Variants in USP35 observed in about 807,000 individuals in gnomAD.
USP35 encodes ubiquitin carboxyl-terminal hydrolase 35.
A neutral mutation model predicts 83.8 loss-of-function variants in USP35; 69 were observed. The observed-to-expected ratio is 0.82, with a 90% CI of 0.68 to 1.01. The LOEUF (loss-of-function observed/expected upper bound fraction) is 1.01. Among genes scored for constraint, USP35 ranks in the 50% least tolerant of loss-of-function variants. The probability of loss-of-function intolerance (pLI) is 0.00; values close to 1 mark genes in which losing one functional copy is unlikely to be tolerated. For missense variants in USP35, 1,503 were observed against 1,362.5 expected (o/e 1.10, Z -1.62); for synonymous variants, 714 against 589.5 (o/e 1.21, Z -3.06).
At chr11:78,231,583 C>T in the USP35 span, among the ~76,000 whole-genome samples, 3 of 152,180 alleles carry the variant, frequency 2.0e-5, no homozygotes, top group African/African-American at 2.4e-5. Context: ...CTCCTGACCT[C>T]GTGGTCTGCC....
rs569855237 is a variant in USP35 at position 78,199,697 on chromosome 11, C to A, written c.909C>A (p.Ile303=). The A allele has an allele frequency of 1.2e-6, 2 of 1,614,076 alleles. No homozygotes were observed. Among genetic ancestry groups the A allele is most frequent in the African/African-American group, 2.7e-5 (2 of 74,918 alleles). Residue 303 remains isoleucine, a synonymous_variant, in exon 4 of 11, where the codon ATC becomes ATA. Transcript: ENST00000529308. ...CTGTTAAGAAGTTCAGCATCTTGAT[C>A]GAGGTTTCGCTCACCAAAATTGAGA... ...LAAVKKFSIL[I]EVSLTKIEKV...
downstream of USP35, chr11:78,219,120 G>A: frequency 2.9e-6 from 2 of 695,978 alleles, no homozygotes; most frequent in Non-Finnish European, 4.7e-6. Flanking sequence ...CCAGGGGAAG[G>A]GTTCAGGGTC....
At chr11:78,229,709 A>G in the USP35 span, among the ~76,000 whole-genome samples, 3 of 152,104 alleles carry the variant, frequency 2.0e-5, no homozygotes, top group East Asian at 3.9e-4. Flanking sequence ...GTTTATCCCA[A>G]CTCATCTCAC....
the USP35 span, among the ~76,000 whole-genome samples, chr11:78,225,842 G>C: frequency 6.6e-6 from 1 of 152,184 alleles, no homozygotes; most frequent in African/African-American, 2.4e-5. Context: ...CAACAGGATG[G>C]ACAAGAAAAG....
chr11:78,197,854 GT>G (rs1281968475), intron 2 of USP35, 81 bp from the exon 3 acceptor site: 1 of 1,526,046 alleles, frequency 6.6e-7, no homozygotes, highest in Non-Finnish European at 8.8e-7. Flanking sequence ...AGCCCGGTTC[GT>G]TGGCTCCTGC....
chr11:78,228,941 C>G, the USP35 span, among the ~76,000 whole-genome samples: 7 of 152,128 alleles, frequency 4.6e-5, no homozygotes, highest in Admixed American at 1.3e-4. Flanking sequence ...GTTGGATGCT[C>G]CCATCTGGAT....
At chr11:78,217,631 A>C (rs528419242), downstream of USP35, 3 of 152,332 alleles carry the variant, frequency 2.0e-5, no homozygotes, top group African/African-American at 7.2e-5. Context: ...AAATTTAGTC[A>C]AGAACAGTCA....
intron 3 of USP35, 140 bp downstream of exon 3, chr11:78,198,208 C>T: frequency 7.4e-7 from 1 of 1,354,868 alleles, no homozygotes; most frequent in Non-Finnish European, 1.0e-6. Context: ...CATCATCTAT[C>T]CTTTCTTGAG....
intron 2 of USP35, 98 bp downstream of exon 2, chr11:78,197,016 C>T (rs1863173661): frequency 3.7e-6 from 5 of 1,369,122 alleles, no homozygotes; most frequent in Middle Eastern, 2.7e-4. Context: ...TGCGGGCGCC[C>T]GTGTGGCACG....
chr11:78,203,293 A>C (rs745723945), intron 6 of USP35, among the ~76,000 whole-genome samples: 2 of 152,180 alleles, frequency 1.3e-5, no homozygotes, highest in Non-Finnish European at 2.9e-5. Flanking sequence ...CTCTGGATGC[A>C]TCGGAGGGGA....
Position 78,209,795 on chromosome 11 carries a change from G to T in USP35, c.1940G>T (p.Cys647Phe). Residue 647 changes from cysteine (C) to phenylalanine (F), a missense_variant, in exon 10 of 11, where the codon TGC (cysteine) becomes TTC (phenylalanine). By Grantham distance (205) the Cys-to-Phe change is radical. Coordinates refer to ENST00000529308, the MANE Select transcript of USP35 (RefSeq NM_020798.4). ...GGTCCTCGGAGGCAAAGGAAACACT[G>T]CATCACAGAGGACACCCCCCCCACC... ...RVGPRRQRKH[C>F]ITEDTPPTSL... 1 of 1,613,858 alleles carries T rather than the reference G, an allele frequency of 6.2e-7. No homozygotes were observed. Among genetic ancestry groups the T allele is most frequent in the Non-Finnish European group, 8.5e-7 (1 of 1,179,922 alleles).
At chr11:78,228,848 C>T in the USP35 span, among the ~76,000 whole-genome samples, 1 of 152,000 alleles carries the variant, frequency 6.6e-6, no homozygotes, top group Non-Finnish European at 1.5e-5. Flanking sequence ...GCGGGGGGAG[C>T]GAATGGTAGA....
Position 78,209,725 on chromosome 11 carries a change from C to CG in USP35, c.1873dup (p.Glu625GlyfsTer104). On this transcript the variant is annotated frameshift_variant, in exon 10 of 11. Transcript: ENST00000529308. LOFTEE classifies it high-confidence loss of function. Reference sequence around the variant, plus strand: ...GCGCCCCACAGAAGACATCACAGCCCGGGAGTTGCCCCCACCAACCAGTGC... The same window carrying CG: ...GCGCCCCACAGAAGACATCACAGCCCGGGGAGTTGCCCCCACCAACCAGTGC... 1 of 1,614,044 alleles carries CG rather than the reference C, an allele frequency of 6.2e-7. No homozygotes were observed. Among genetic ancestry groups the CG allele is most frequent in the Non-Finnish European group, 8.5e-7 (1 of 1,179,976 alleles).
intron 10 of USP35, among the ~76,000 whole-genome samples, chr11:78,212,333 T>TAC (rs147618493): frequency 0.033 from 5,000 of 152,304 alleles, 277 homozygotes; most frequent in African/African-American, 0.11. Context: ...ACTACAAGGC[T>TAC]ACAGTAAGCA....
At chr11:78,209,240 G>C (rs1010752989) in intron 9 of USP35, among the ~76,000 whole-genome samples, 8 of 152,128 alleles carry the variant, frequency 5.3e-5, no homozygotes, top group Admixed American at 1.3e-4. Context: ...CATAGCTCCA[G>C]CAAGTCTTTA....
chr11:78,227,930 A>C, the USP35 span, among the ~76,000 whole-genome samples: 1 of 152,228 alleles, frequency 6.6e-6, no homozygotes, highest in South Asian at 2.1e-4. Flanking sequence ...AGAGACCTAG[A>C]AATCTATATG....
the USP35 span, chr11:78,223,395 GGAAA>G: frequency 6.6e-7 from 1 of 1,505,048 alleles, no homozygotes; most frequent in Non-Finnish European, 8.9e-7. Context: ...ATGGGACAGG[GGAAA>G]GAATGGACTT....
chr11:78,211,642 C>T (rs1365494800), intron 10 of USP35, among the ~76,000 whole-genome samples: 1 of 152,148 alleles, frequency 6.6e-6, no homozygotes, highest in Admixed American at 6.5e-5. Flanking sequence ...TAATAATCAC[C>T]ATTCTGGCTT....
rs370657464 is a variant in USP35, at chr11:78,203,960, G to A, written c.1198-1882G>A. Among the ~76,000 whole-genome samples the A allele has an allele frequency of 4.2e-3, 571 of 134,644 alleles. 1 individual carries two copies. The highest frequency in any genetic ancestry group is 0.016 in the African/African-American group (543 of 34,482). 88.3% of individuals were successfully genotyped at this position (134,644 alleles called of 152,430 possible). ...GGCTGGAGTGCAGTGGCGGGATCTC[G>A]GCTCACTGCAAGCTCCGCCTCCCGG... On this transcript the variant is annotated intron_variant, in intron 6 of 10. Transcript: ENST00000529308.
Sources: allele counts gnomAD v4.1 joint callset (sites outside exome capture counted in the v4.1 genomes callset), GRCh38; gene constraint gnomAD v4.1.1; transcripts MANE v1.5; gene names NCBI Gene and HGNC (gene_info 2026-07-23, HGNC 2026-07-21).